The following TRDN variants were observed in gnomAD, a reference collection of about 807,000 sequenced individuals.
TRDN encodes triadin in skeletal muscle.
Under a neutral mutation model 149.7 loss-of-function variants are expected in TRDN, and 161 were observed. That is an observed-to-expected ratio of 1.08 (90% CI 0.95 to 1.23). The LOEUF is 1.23. Ranked by LOEUF, TRDN falls within the 50% of genes most tolerant of loss-of-function variation. The pLI, the probability that TRDN is intolerant of heterozygous loss-of-function variation, is 0.00. For missense variants in TRDN, 896 were observed against 823.5 expected, an observed-to-expected ratio of 1.09 and a Z score of -1.08; for synonymous variants, 294 against 250.5, an observed-to-expected ratio of 1.17 and a Z score of -1.64.
At chr6:123,288,510 T>G (rs1452747938) in intron 24 of TRDN, among the ~76,000 whole-genome samples, 1 of 152,032 alleles carries the variant, frequency 6.6e-6, no homozygotes, top group Non-Finnish European at 1.5e-5. Flanking sequence ...GCAAAGAGAT[T>G]TGAGGACTCA....
At chr6:123,617,668 A>G (rs1157311616) in intron 1 of TRDN, among the ~76,000 whole-genome samples, 2 of 152,148 alleles carry the variant, frequency 1.3e-5, no homozygotes, top group Admixed American at 1.3e-4. Flanking sequence ...TTAGTTTCAG[A>G]TTGCTAATAT....
chr6:123,611,592 T>C (rs1337331153), intron 1 of TRDN, among the ~76,000 whole-genome samples: 1 of 152,164 alleles, frequency 6.6e-6, no homozygotes, highest in Non-Finnish European at 1.5e-5. Flanking sequence ...GGTACTTTCA[T>C]ATATATAGTA....
At chr6:123,315,599 GTC>G (rs916098380) in intron 24 of TRDN, among the ~76,000 whole-genome samples, 13 of 151,818 alleles carry the variant, frequency 8.6e-5, no homozygotes, top group Non-Finnish European at 1.5e-4. Flanking sequence ...CATCATGAAT[GTC>G]TGCTTTTTTG....
chr6:123,562,447 C>G (rs552920618), intron 2 of TRDN, among the ~76,000 whole-genome samples: 5 of 152,176 alleles, frequency 3.3e-5, no homozygotes, highest in Non-Finnish European at 7.3e-5. Flanking sequence ...ATAAAAGAGG[C>G]CTAAGAGAGT....
intron 9 of TRDN, among the ~76,000 whole-genome samples, chr6:123,491,626 A>G (rs926870604): frequency 4.7e-4 from 71 of 152,170 alleles, no homozygotes; most frequent in African/African-American, 1.6e-3. Flanking sequence ...TATATTTTCT[A>G]TGTCTTCATT....
intron 4 of TRDN, among the ~76,000 whole-genome samples, chr6:123,539,664 A>C (rs992010489): frequency 4.6e-5 from 7 of 152,208 alleles, no homozygotes; most frequent in African/African-American, 1.2e-4. Context: ...TAGTTATTCC[A>C]ATGGCTTAGG....
At chr6:123,528,632 C>T in intron 5 of TRDN, 1 of 985,582 alleles carries the variant, frequency 1.0e-6, no homozygotes, top group Non-Finnish European at 1.2e-6. Context: ...CCATAACTGA[C>T]ATGGAACATG....
At chr6:123,304,276 C>T (rs1346362543) in intron 24 of TRDN, among the ~76,000 whole-genome samples, 5 of 118,438 alleles carry the variant, frequency 4.2e-5, no homozygotes, top group South Asian at 2.7e-4. Flanking sequence ...TTTTTTGAGA[C>T]GGAGTCTTGC....
chr6:123,465,977 C>T (rs1013878065), intron 9 of TRDN, among the ~76,000 whole-genome samples: 4 of 152,208 alleles, frequency 2.6e-5, no homozygotes, highest in African/African-American at 9.7e-5. Context: ...GTTGCACAAA[C>T]ACCACATTTC....
At chr6:123,265,374 G>T in intron 32 of TRDN, 36 bp from the exon 33 acceptor site, 1 of 1,342,932 alleles carries the variant, frequency 7.4e-7, no homozygotes, top group Non-Finnish European at 1.0e-6. Context: ...GAAAATGAGT[G>T]ATAATTTTCT....
intron 7 of TRDN, chr6:123,509,367 C>T (rs917486985): frequency 6.6e-6 from 1 of 152,052 alleles, no homozygotes; most frequent in African/African-American, 2.4e-5. Flanking sequence ...ATAGTGTATA[C>T]TAAAGGTGAT....
At chr6:123,443,063 T>C (rs1206751237) in intron 10 of TRDN, among the ~76,000 whole-genome samples, 1 of 152,140 alleles carries the variant, frequency 6.6e-6, no homozygotes. Context: ...ATATGCATCA[T>C]CTTGCATTTA....
chr6:123,350,357 T>C (rs1780413051), intron 21 of TRDN: 1 of 935,158 alleles, frequency 1.1e-6, no homozygotes, highest in Non-Finnish European at 1.3e-6. Context: ...CAAAGTGTAC[T>C]TAAACTCTAT....
intron 38 of TRDN, among the ~76,000 whole-genome samples, chr6:123,233,360 T>A (rs1775678409): frequency 6.6e-6 from 1 of 152,094 alleles, no homozygotes; most frequent in South Asian, 2.1e-4. Flanking sequence ...ATTCTTAAAA[T>A]TGACTCTAGG....
chr6:123,506,614 G>C (rs575175291), intron 7 of TRDN, among the ~76,000 whole-genome samples: 1 of 151,780 alleles, frequency 6.6e-6, no homozygotes, highest in African/African-American at 2.4e-5. Flanking sequence ...TCAGCCTCCC[G>C]AGTAGCTGGG....
rs187182039 is a variant in TRDN, at chr6:123,575,850, T to G, written c.23-4718A>C. On this transcript the variant is annotated intron_variant, in intron 1 of 40. Coordinates refer to ENST00000334268, the MANE Select transcript of TRDN (RefSeq NM_006073.4). ...CAGATGAAGAAACTGCCAAGTGCACTTCCATATTATTATTCTTTATTTTTC... is the reference window on the plus strand; with the variant it reads ...CAGATGAAGAAACTGCCAAGTGCACGTCCATATTATTATTCTTTATTTTTC... 3.3e-3 allele frequency among the ~76,000 whole-genome samples: 496 copies of G among 152,240 alleles called. 8 individuals carry two copies. The highest frequency in any genetic ancestry group is 0.028 in the South Asian group (137 of 4,824).
At chr6:123,552,029 A>G (rs997517081) in intron 2 of TRDN, among the ~76,000 whole-genome samples, 3 of 152,098 alleles carry the variant, frequency 2.0e-5, no homozygotes, top group Admixed American at 2.0e-4. Context: ...AACTGGAAAA[A>G]AAAATGAGTC....
At chr6:123,494,553 A>G (rs113084842) in intron 9 of TRDN, among the ~76,000 whole-genome samples, 13 of 152,336 alleles carry the variant, frequency 8.5e-5, no homozygotes, top group African/African-American at 2.6e-4. Flanking sequence ...TAAAACTAAT[A>G]GAATATGAAG....
intron 9 of TRDN, among the ~76,000 whole-genome samples, chr6:123,483,398 G>A (rs972491979): frequency 2.6e-5 from 4 of 151,832 alleles, no homozygotes; most frequent in African/African-American, 4.8e-5. Context: ...CACTGCGCCC[G>A]GCCAGTATTA....
Sources: gnomAD v4.1 joint callset for allele counts (sites outside exome capture counted in the v4.1 genomes callset) on GRCh38, gnomAD v4.1.1 for gene constraint, MANE v1.5 for transcripts, NCBI Gene and HGNC (gene_info 2026-07-23, HGNC 2026-07-21) for gene names.